Variants in FARP1 observed in about 807,000 individuals in gnomAD.
The protein encoded by FARP1 is FERM, ARH/RhoGEF and pleckstrin domain protein 1.
Under a neutral mutation model 128.8 loss-of-function variants are expected in FARP1, and 52 were observed. The observed-to-expected ratio is 0.40, with a 90% CI of 0.32 to 0.51. The LOEUF (loss-of-function observed/expected upper bound fraction) is 0.51, where lower values mean the gene tolerates loss of function less well. Ranked by LOEUF, FARP1 falls within the 20% of genes least tolerant of loss-of-function variation. The probability of loss-of-function intolerance (pLI) is 0.45; values close to 1 mark genes in which losing one functional copy is unlikely to be tolerated. For synonymous variants in FARP1, 580 were observed against 551.8 expected (o/e 1.05, Z -0.72); for missense variants, 1,333 against 1,367.9 (o/e 0.97, Z 0.40).
intron 1 of FARP1, among the ~76,000 whole-genome samples, chr13:98,181,156 T>C (rs1248256496): frequency 6.6e-6 from 1 of 152,158 alleles, no homozygotes; most frequent in Non-Finnish European, 1.5e-5. Context: ...TCATTGCAGA[T>C]AGCACTTCTC....
intron 24 of FARP1, among the ~76,000 whole-genome samples, chr13:98,442,961 C>T (rs1357425220): frequency 6.6e-6 from 1 of 152,224 alleles, no homozygotes; most frequent in East Asian, 1.9e-4. Flanking sequence ...CAGCAAATAC[C>T]CAAGTGGGGT....
chr13:98,192,189 A>G (rs1879278250), intron 1 of FARP1, among the ~76,000 whole-genome samples: 1 of 152,144 alleles, frequency 6.6e-6, no homozygotes, highest in Non-Finnish European at 1.5e-5. Flanking sequence ...TAGGCAGCAG[A>G]TATGCTACAG....
chr13:98,148,571 C>T (rs1875746932), intron 1 of FARP1, among the ~76,000 whole-genome samples: 1 of 152,192 alleles, frequency 6.6e-6, no homozygotes, highest in Admixed American at 6.5e-5. Context: ...ATGTGCTCAC[C>T]ATTCCTTTTT....
At chr13:98,325,821 T>G (rs1887205747) in intron 2 of FARP1, among the ~76,000 whole-genome samples, 1 of 152,218 alleles carries the variant, frequency 6.6e-6, no homozygotes, top group South Asian at 2.1e-4. Flanking sequence ...GAGAGTTATA[T>G]CTCTTGTTTA....
At chr13:98,375,382 AT>A (rs1213317799) in intron 5 of FARP1, among the ~76,000 whole-genome samples, 2 of 152,094 alleles carry the variant, frequency 1.3e-5, no homozygotes. Context: ...GGCACTTACA[AT>A]TTTTTTGCCA....
At chr13:98,350,752 C>T (rs1888383623) in intron 3 of FARP1, among the ~76,000 whole-genome samples, 1 of 152,154 alleles carries the variant, frequency 6.6e-6, no homozygotes, top group Admixed American at 6.5e-5. Flanking sequence ...TGGGGAGCTA[C>T]TTCCCCTCCC....
At chr13:98,159,472 A>ATTTTTTTTTTTTTTTTTTTTTTGT (rs200328845) in intron 1 of FARP1, 1 of 135,422 alleles carries the variant, frequency 7.4e-6, no homozygotes, top group Non-Finnish European at 1.6e-5. Context: ...TTTAATTGTG[A>ATTTTTTTTTTTTTTTTTTTTTTGT]TTTTTTTTTT....
intron 2 of FARP1, among the ~76,000 whole-genome samples, chr13:98,269,667 C>A (rs147569778): frequency 1.4e-3 from 217 of 152,290 alleles, no homozygotes; most frequent in African/African-American, 5.0e-3. Flanking sequence ...CATTCTTGAC[C>A]TTGTTGTTTG....
chr13:98,428,368 GCTTCTACCACCTGTACCTCTTTCTGACA>G (rs1891867870), intron 17 of FARP1, among the ~76,000 whole-genome samples: 1 of 152,074 alleles, frequency 6.6e-6, no homozygotes, highest in Non-Finnish European at 1.5e-5. Flanking sequence ...GTCTCTCCAA[GCTTCTACCACCTGTACCTCTTTCTGACA>G]CTTCTACCAC....
intron 6 of FARP1, chr13:98,384,382 G>A (rs1471509420): frequency 9.2e-6 from 2 of 218,204 alleles, no homozygotes; most frequent in Non-Finnish European, 1.8e-5. Context: ...TGGTAGAGAC[G>A]AGGTTTCGCC....
At chr13:98,358,338 A>G (rs1248001186) in intron 3 of FARP1, among the ~76,000 whole-genome samples, 1 of 151,126 alleles carries the variant, frequency 6.6e-6, no homozygotes, top group Admixed American at 6.6e-5. Context: ...TCACATTTTC[A>G]TTTTCCTGTC....
chr13:98,179,050 G>A (rs1342600995), intron 1 of FARP1, among the ~76,000 whole-genome samples: 1 of 152,180 alleles, frequency 6.6e-6, no homozygotes, highest in Non-Finnish European at 1.5e-5. Flanking sequence ...ACCCCCAGAT[G>A]TTGGTGTCCA....
intron 3 of FARP1, among the ~76,000 whole-genome samples, chr13:98,363,891 G>A (rs1350814006): frequency 6.6e-6 from 1 of 152,040 alleles, no homozygotes. Context: ...ACAGGTGCCC[G>A]CCACTGTGCC....
chr13:98,338,969 G>A (rs1297460481), intron 2 of FARP1: 3 of 152,160 alleles, frequency 2.0e-5, no homozygotes, highest in Non-Finnish European at 4.4e-5. Context: ...AACCTGGTGT[G>A]CGTTGACACA....
At chr13:98,398,514 G>A (rs1417784913) in intron 13 of FARP1, 1 of 152,134 alleles carries the variant, frequency 6.6e-6, no homozygotes, top group African/African-American at 2.4e-5. Context: ...ATATCTTGGT[G>A]CAATAGGAGC....
chr13:98,165,749 A>C (rs1420883693), intron 1 of FARP1, among the ~76,000 whole-genome samples: 3 of 74,950 alleles, frequency 4.0e-5, no homozygotes, highest in African/African-American at 5.4e-5. Flanking sequence ...TTTTTGTCTC[A>C]CTCTGTCATG....
intron 15 of FARP1, among the ~76,000 whole-genome samples, chr13:98,411,086 T>C (rs534654538): frequency 6.6e-6 from 1 of 152,326 alleles, no homozygotes; most frequent in African/African-American, 2.4e-5. Context: ...CATTTTACCA[T>C]CTGTGTGCAC....
chr13:98,421,867 ATTT>A (rs562180790), intron 16 of FARP1, among the ~76,000 whole-genome samples: 1 of 148,646 alleles, frequency 6.7e-6, no homozygotes, highest in Non-Finnish European at 1.5e-5. Flanking sequence ...AAAAAAAAAA[ATTT>A]TTTTTAAGAA....
chr13:98,216,756 G>C (rs778566956), intron 2 of FARP1, among the ~76,000 whole-genome samples: 2 of 152,132 alleles, frequency 1.3e-5, no homozygotes, highest in Non-Finnish European at 2.9e-5. Context: ...TTAGCTCCAC[G>C]ATCTTTTCCA....
Sources: allele counts gnomAD v4.1 joint callset (sites outside exome capture counted in the v4.1 genomes callset), GRCh38; gene constraint gnomAD v4.1.1; transcripts MANE v1.5; gene names NCBI Gene and HGNC (gene_info 2026-07-23, HGNC 2026-07-21).